ACTR3C: variants seen among roughly 807,000 people sequenced by gnomAD.
The protein encoded by ACTR3C is actin-related protein 3C.
In ACTR3C, 18 loss-of-function variants were observed where a neutral mutation model predicts 26.3. The ratio of observed to expected loss-of-function variants is 0.68; its 90% CI spans 0.47 to 1.01. The LOEUF is 1.01. ACTR3C is among the 50% of genes least tolerant of loss of function. ACTR3C has a pLI of 0.00. For missense variants in ACTR3C, 184 were observed against 250.7 expected (o/e 0.73, Z 1.80); for synonymous variants, 55 against 94.5 (o/e 0.58, Z 2.42).
At chr7:150,169,325 G>A in the ACTR3C span, among the ~76,000 whole-genome samples, 1 of 146,798 alleles carries the variant, frequency 6.8e-6, no homozygotes, top group Admixed American at 6.8e-5. Context: ...AGAGCTTGTA[G>A]TGAGCCAAGA....
At chr7:150,085,165 G>C in the ACTR3C span, among the ~76,000 whole-genome samples, 1 of 152,192 alleles carries the variant, frequency 6.6e-6, no homozygotes, top group Non-Finnish European at 1.5e-5. Context: ...TTAGACATCA[G>C]AGTGGAGTGG....
chr7:150,030,569 A>T, the ACTR3C span, among the ~76,000 whole-genome samples: 3 of 149,488 alleles, frequency 2.0e-5, no homozygotes, highest in Non-Finnish European at 4.4e-5. Flanking sequence ...ATCGAGTAAA[A>T]GTTTGTTATA....
the ACTR3C span, among the ~76,000 whole-genome samples, chr7:150,060,194 G>T: frequency 6.6e-6 from 1 of 152,206 alleles, no homozygotes; most frequent in African/African-American, 2.4e-5. Context: ...GCCACTAACA[G>T]ATTCTACATG....
the ACTR3C span, among the ~76,000 whole-genome samples, chr7:150,137,108 A>G: frequency 6.6e-6 from 1 of 152,046 alleles, no homozygotes; most frequent in East Asian, 1.9e-4. Context: ...CCTGCTGCTC[A>G]CCTCCTGTGC....
chr7:149,897,076 A>C, the ACTR3C span, among the ~76,000 whole-genome samples: 8 of 151,880 alleles, frequency 5.3e-5, no homozygotes, highest in East Asian at 1.9e-4. Context: ...AAAAAAAAAA[A>C]AAAAAACAAG....
the ACTR3C span, among the ~76,000 whole-genome samples, chr7:150,175,829 AAAAAAAG>A: frequency 1.3e-5 from 2 of 149,224 alleles, no homozygotes; most frequent in African/African-American, 5.1e-5. Context: ...AAAAAAAAAA[AAAAAAAG>A]AAAGAAAGGA....
the ACTR3C span, among the ~76,000 whole-genome samples, chr7:150,076,095 C>G: frequency 3.9e-5 from 6 of 152,098 alleles, no homozygotes; most frequent in Admixed American, 3.9e-4. Context: ...TCAACGTGCT[C>G]CCTGATACCA....
the ACTR3C span, among the ~76,000 whole-genome samples, chr7:149,948,883 C>T: frequency 6.7e-3 from 1,001 of 150,430 alleles, 7 homozygotes; most frequent in African/African-American, 0.023. Flanking sequence ...CAAGTGTGAT[C>T]GGGAGTGGGA....
At chr7:149,906,217 C>T in the ACTR3C span, among the ~76,000 whole-genome samples, 119 of 151,624 alleles carry the variant, frequency 7.8e-4, no homozygotes, top group Admixed American at 3.3e-3. Context: ...ATGTAATATA[C>T]GGATAAAAAT....
intron 6 of ACTR3C, chr7:150,264,588 C>T: frequency 1.5e-5 from 15 of 976,520 alleles, no homozygotes; most frequent in Non-Finnish European, 1.8e-5. Flanking sequence ...CCAGCATATA[C>T]TGTATATAAA....
At chr7:150,291,797 G>A (rs1167352468) in intron 3 of ACTR3C, among the ~76,000 whole-genome samples, 2 of 151,978 alleles carry the variant, frequency 1.3e-5, no homozygotes, top group African/African-American at 4.8e-5. Flanking sequence ...TGAGTGCTCT[G>A]CACCCAGGGC....
At chr7:150,312,505 A>C (rs761312906) in intron 1 of ACTR3C, among the ~76,000 whole-genome samples, 9 of 152,350 alleles carry the variant, frequency 5.9e-5, no homozygotes, top group Middle Eastern at 6.8e-3. Context: ...TCCTGGCCTA[A>C]AAACTCATCG....
chr7:150,108,881 G>A, the ACTR3C span, among the ~76,000 whole-genome samples: 2 of 151,530 alleles, frequency 1.3e-5, no homozygotes, highest in Non-Finnish European at 2.9e-5. Context: ...GAAGGACTGA[G>A]AGTAAGGTGC....
Position 150,293,390 on chromosome 7 carries a change from T to A in ACTR3C, c.75A>T (p.Thr25=). ...ATGTACGTTCACCCACTTGTCGAGATGTCCAAGATGCCGCCAAGGCCAGCA... is the reference window on the plus strand; with the variant it reads ...ATGTACGTTCACCCACTTGTCGAGAAGTCCAAGATGCCGCCAAGGCCAGCA... The part of the protein sequence containing the change: ...QAVLALAASW[T]SRQVGERTLT... The change falls in exon 3 of 8, where the codon ACA becomes ACT. Residue 25 remains threonine, a synonymous_variant. Coordinates refer to ENST00000683684, the MANE Select transcript of ACTR3C (RefSeq NM_001164458.2). 1.2e-6 allele frequency: 2 copies of A among 1,604,426 alleles called. No homozygotes were observed. The highest frequency in any genetic ancestry group is 3.4e-5 in the Admixed American group (2 of 59,068).
chr7:150,277,992 C>T lies in ACTR3C; in HGVS notation c.564+6761G>A, dbSNP rs181546019. On this transcript the variant is annotated intron_variant, in intron 6 of 7. Transcript: ENST00000683684. ...CCAGGTGGATATGCCTGTCTTTCCTCGGAGCCCCAGTTGGCAATGTTGGCC... is the reference window on the plus strand; with the variant it reads ...CCAGGTGGATATGCCTGTCTTTCCTTGGAGCCCCAGTTGGCAATGTTGGCC... Among the ~76,000 whole-genome samples the T allele has an allele frequency of 1.3e-3, 199 of 152,298 alleles. 1 individual carries two copies. The highest frequency in any genetic ancestry group is 4.6e-3 in the African/African-American group (193 of 41,564).
chr7:150,036,723 G>A, the ACTR3C span, among the ~76,000 whole-genome samples: 10 of 137,294 alleles, frequency 7.3e-5, 1 homozygote, highest in South Asian at 2.2e-4. Flanking sequence ...CTGGAGCTGC[G>A]TTCGGACCCG....
At position 150,280,602 on chromosome 7, in the gene ACTR3C, G is replaced by A. The variant is rs144892995; in HGVS notation, c.564+4151C>T. Among the ~76,000 whole-genome samples, 393 of 152,248 alleles carry A rather than the reference G, an allele frequency of 2.6e-3. 2 individuals are homozygous for A. Among genetic ancestry groups the A allele is most frequent in the African/African-American group, 8.9e-3 (369 of 41,548 alleles). On this transcript the variant is annotated intron_variant, in intron 6 of 7. Transcript: ENST00000683684. ...AATTCCAGCATGGTGAGTACAGTTA[G>A]GAAGAGGGTACGGTGTAGTGGAAAT...
At chr7:149,962,787 T>C in the ACTR3C span, among the ~76,000 whole-genome samples, 1 of 152,168 alleles carries the variant, frequency 6.6e-6, no homozygotes, top group African/African-American at 2.4e-5. Flanking sequence ...ACAGTCAGCC[T>C]TGCTTTGTGT....
chr7:149,984,851 T>C, the ACTR3C span, among the ~76,000 whole-genome samples: 1 of 152,182 alleles, frequency 6.6e-6, no homozygotes, highest in Non-Finnish European at 1.5e-5. Flanking sequence ...GGAGGGCAAA[T>C]TGGAAAATGT....
Sources: gnomAD v4.1 joint callset for allele counts (sites outside exome capture counted in the v4.1 genomes callset) on GRCh38, gnomAD v4.1.1 for gene constraint, MANE v1.5 for transcripts, NCBI Gene and HGNC (gene_info 2026-07-23, HGNC 2026-07-21) for gene names.